Variants in HFM1 observed in about 807,000 individuals in gnomAD.
HFM1 encodes the protein probable ATP-dependent DNA helicase HFM1.
In HFM1, 169 loss-of-function variants were observed where a neutral mutation model predicts 192.1. That is an observed-to-expected ratio of 0.88 (90% CI 0.78 to 1.00). HFM1 has a LOEUF of 1.00. HFM1 is among the 50% of genes least tolerant of loss of function. The pLI, the probability that HFM1 is intolerant of heterozygous loss-of-function variation, is 0.00. For missense variants in HFM1, 1,661 were observed against 1,668.0 expected, an observed-to-expected ratio of 1.00 and a Z score of 0.07; for synonymous variants, 525 against 537.8, an observed-to-expected ratio of 0.98 and a Z score of 0.33.
intron 19 of HFM1, among the ~76,000 whole-genome samples, chr1:91,344,465 C>T (rs1266615011): frequency 1.3e-5 from 2 of 152,078 alleles, no homozygotes; most frequent in South Asian, 2.1e-4. Context: ...ACTCACTACT[C>T]GATAAGTCAA....
intron 30 of HFM1, among the ~76,000 whole-genome samples, chr1:91,303,990 G>A (rs750454142): frequency 6.6e-6 from 1 of 152,038 alleles, no homozygotes; most frequent in Non-Finnish European, 1.5e-5. Context: ...GAGTAGGTGG[G>A]ATTACAGGCG....
intron 13 of HFM1, among the ~76,000 whole-genome samples, chr1:91,368,138 G>C (rs201507925): frequency 3.3e-5 from 5 of 152,224 alleles, no homozygotes; most frequent in Non-Finnish European, 2.9e-5. Context: ...ACCTGAAAGT[G>C]ACGGGGAGAA....
At chr1:91,316,572 A>T (rs1651256482) in intron 25 of HFM1, 96 bp from the exon 26 acceptor site, 15 of 465,148 alleles carry the variant, frequency 3.2e-5, no homozygotes, top group Non-Finnish European at 5.0e-5. Context: ...AAAAAAAAAA[A>T]TTTTAAGATC....
intron 1 of HFM1, among the ~76,000 whole-genome samples, chr1:91,403,924 T>C (rs1459491171): frequency 3.3e-5 from 5 of 152,224 alleles, no homozygotes; most frequent in Non-Finnish European, 7.3e-5. Context: ...TTGTATAAAA[T>C]TGCAGGCCTA....
chr1:91,368,008 G>C (rs1256142261), intron 13 of HFM1, among the ~76,000 whole-genome samples: 1 of 152,120 alleles, frequency 6.6e-6, no homozygotes, highest in African/African-American at 2.4e-5. Context: ...ATCAGGGATG[G>C]AAGATCAAAT....
intron 34 of HFM1, among the ~76,000 whole-genome samples, chr1:91,271,292 T>C (rs954360765): frequency 6.6e-6 from 1 of 152,086 alleles, no homozygotes; most frequent in African/African-American, 2.4e-5. Context: ...AGAAACCCTA[T>C]TAAAAAGTAA....
At chr1:91,346,871 TCA>T (rs1476795783) in intron 19 of HFM1, among the ~76,000 whole-genome samples, 1 of 152,124 alleles carries the variant, frequency 6.6e-6, no homozygotes, top group African/African-American at 2.4e-5. Flanking sequence ...AGCTACATTC[TCA>T]GTGTTTTGGA....
At chr1:91,389,833 G>A (rs1328349204) in intron 4 of HFM1, among the ~76,000 whole-genome samples, 1 of 152,192 alleles carries the variant, frequency 6.6e-6, no homozygotes, top group African/African-American at 2.4e-5. Flanking sequence ...GTACTGGACA[G>A]AATGTGGAGA....
chr1:91,294,685 G>C (rs1357705962), intron 30 of HFM1, among the ~76,000 whole-genome samples: 1 of 152,166 alleles, frequency 6.6e-6, no homozygotes, highest in Non-Finnish European at 1.5e-5. Context: ...TTTTAGGAAA[G>C]TTTTCTGACC....
In HFM1 at chr1:91,276,623, C is replaced by A; in HGVS notation, c.3588+5G>T. ...AACAATGGGAAAAATGTTATTAAAA[C>A]TAACCTTCAGACGTTTAACTGGAGG... On this transcript the variant is annotated splice_donor_5th_base_variant and intron_variant, in intron 32 of 38. Transcript: ENST00000370425. 1 of 1,376,968 alleles carries A rather than the reference C, an allele frequency of 7.3e-7. No homozygotes were observed. The highest frequency in any genetic ancestry group is 1.0e-6 in the Non-Finnish European group (1 of 998,880). 85.3% of individuals were successfully genotyped at this position (1,376,968 alleles called of 1,614,324 possible).
At chr1:91,335,677 A>G (rs1381055634) in intron 20 of HFM1, among the ~76,000 whole-genome samples, 2 of 152,186 alleles carry the variant, frequency 1.3e-5, no homozygotes, top group African/African-American at 4.8e-5. Flanking sequence ...AAAGATTAAT[A>G]TTCTAACAGG....
rs142237948 is a variant in HFM1, at chr1:91,385,186, C to T, written c.802+1G>A. 4 of 1,524,962 alleles carry T rather than the reference C, an allele frequency of 2.6e-6. No homozygotes were observed. The highest frequency in any genetic ancestry group is 2.7e-6 in the Non-Finnish European group (3 of 1,106,414). The allele number at this position is 1,524,962 out of a possible 1,614,324, so 94.5% of individuals were successfully genotyped here. A position where few individuals can be genotyped will look rare whatever the true frequency, so the allele number is the denominator to read the frequency against. On this transcript the variant is annotated splice_donor_variant, in intron 6 of 38. Transcript: ENST00000370425. LOFTEE classifies it high-confidence loss of function. Reference sequence around the variant, plus strand: ...GCTATTGTAAATAACTTAAAGGATACGAATTTCTGTGACAGCCTTCAAGGA... The same window carrying T: ...GCTATTGTAAATAACTTAAAGGATATGAATTTCTGTGACAGCCTTCAAGGA...
intron 18 of HFM1, among the ~76,000 whole-genome samples, chr1:91,350,183 G>A (rs767781257): frequency 1.3e-5 from 2 of 152,022 alleles, no homozygotes; most frequent in Admixed American, 6.6e-5. Context: ...TTGAACCTCT[G>A]TACATTAGAA....
At chr1:91,351,019 A>G in intron 17 of HFM1, 148 bp from the exon 18 acceptor site, 1 of 626,912 alleles carries the variant, frequency 1.6e-6, no homozygotes, top group African/African-American at 1.9e-5. Flanking sequence ...GAAAACCTTA[A>G]AAAGTCAGTT....
At chr1:91,304,036 G>T (rs1649240731) in intron 30 of HFM1, among the ~76,000 whole-genome samples, 1 of 151,954 alleles carries the variant, frequency 6.6e-6, no homozygotes, top group African/African-American at 2.4e-5. Context: ...TGTATTTTTA[G>T]TAGAGATGGG....
chr1:91,404,821 C>T lies in HFM1; in HGVS notation c.-51G>A, dbSNP rs912933847. ...ACCTCCCTGCGGACAGCTCCTAGGCCAGTCGAGCGCCGATTTATCAGCCCC... is the reference window on the plus strand; with the variant it reads ...ACCTCCCTGCGGACAGCTCCTAGGCTAGTCGAGCGCCGATTTATCAGCCCC... On this transcript the variant is annotated 5_prime_UTR_variant, in exon 1 of 39. Transcript: ENST00000370425. 1 of 455,640 alleles carries T rather than the reference C, an allele frequency of 2.2e-6. No individual in the cohort carries two copies. The highest frequency in any genetic ancestry group is 4.4e-6 in the Non-Finnish European group (1 of 226,712). 28.2% of individuals were successfully genotyped at this position (455,640 alleles called of 1,614,324 possible). A position where few individuals can be genotyped will look rare whatever the true frequency, so the allele number is the denominator to read the frequency against.
rs760982573 is a variant in HFM1 at position 91,385,210 on chromosome 1, GA to G, written c.778del (p.Ser260ProfsTer2). On this transcript the variant is annotated frameshift_variant, in exon 6 of 39. Transcript: ENST00000370425. LOFTEE classifies it high-confidence loss of function. ...ACGAATTTCTGTGACAGCCTTCAAGGAACCTAAACCATTTTCTGTTACCTCT... is the reference window on the plus strand; with the variant it reads ...ACGAATTTCTGTGACAGCCTTCAAGGACCTAAACCATTTTCTGTTACCTCT... Reference protein sequence around the residue: ...IQEVTENGLGSLKAVTEIPAK... With the variant: ...IQEVTENGLGXLKAVTEIPAK... The G allele has an allele frequency of 3.2e-6, 5 of 1,562,152 alleles. No homozygotes were observed. Among genetic ancestry groups the G allele is most frequent in the Non-Finnish European group, 2.6e-6 (3 of 1,140,572 alleles).
intron 2 of HFM1, among the ~76,000 whole-genome samples, chr1:91,397,551 C>T (rs1238196574): frequency 3.9e-5 from 6 of 152,140 alleles, no homozygotes; most frequent in South Asian, 2.1e-4. Flanking sequence ...TCTGTCTCTC[C>T]GAGCACCTAG....
chr1:91,397,536 AC>A (rs1177661334), intron 2 of HFM1, among the ~76,000 whole-genome samples: 2 of 152,190 alleles, frequency 1.3e-5, no homozygotes, highest in Non-Finnish European at 2.9e-5. Context: ...TCAGTCTTTT[AC>A]TTTTCTGTCT....
Sources: gnomAD v4.1 joint callset for allele counts (sites outside exome capture counted in the v4.1 genomes callset) on GRCh38, gnomAD v4.1.1 for gene constraint, MANE v1.5 for transcripts, NCBI Gene and HGNC (gene_info 2026-07-23, HGNC 2026-07-21) for gene names.